ITIH5: variants seen among roughly 807,000 people sequenced by gnomAD.
The protein encoded by ITIH5 is inter-alpha-trypsin inhibitor heavy chain 5.
Under a neutral mutation model 77.5 loss-of-function variants are expected in ITIH5, and 65 were observed. The observed-to-expected ratio is 0.84, with a 90% CI of 0.69 to 1.03. ITIH5 has a LOEUF of 1.03. Among genes scored for constraint, ITIH5 ranks in the 50% least tolerant of loss-of-function variants. The pLI is 0.00. For missense variants in ITIH5, 1,208 were observed against 1,213.1 expected, an observed-to-expected ratio of 1.00 and a Z score of 0.06; for synonymous variants, 525 against 494.3, an observed-to-expected ratio of 1.06 and a Z score of -0.82.
At chr10:7,609,268 C>A (rs1325154652) in intron 7 of ITIH5, among the ~76,000 whole-genome samples, 1 of 152,150 alleles carries the variant, frequency 6.6e-6, no homozygotes, top group African/African-American at 2.4e-5. Context: ...AACTACTGTG[C>A]CTCAGAAAAA....
intron 5 of ITIH5, among the ~76,000 whole-genome samples, chr10:7,628,330 C>T (rs1588411687): frequency 1.3e-5 from 2 of 152,216 alleles, no homozygotes; most frequent in Admixed American, 6.5e-5. Flanking sequence ...TCTGTCTCTA[C>T]GGATTTGTGT....
chr10:7,659,063 T>A (rs1834233984), intron 1 of ITIH5, among the ~76,000 whole-genome samples: 1 of 151,588 alleles, frequency 6.6e-6, no homozygotes, highest in South Asian at 2.1e-4. Flanking sequence ...TTCCTAGGAG[T>A]ATATCGGTTT....
intron 1 of ITIH5, among the ~76,000 whole-genome samples, chr10:7,656,206 C>A (rs1163338750): frequency 6.6e-6 from 1 of 152,076 alleles, no homozygotes; most frequent in Non-Finnish European, 1.5e-5. Flanking sequence ...GGGAGGGATG[C>A]GGGAAAGTGA....
chr10:7,566,820 G>A (rs770288029), intron 12 of ITIH5, among the ~76,000 whole-genome samples: 2 of 52,566 alleles, frequency 3.8e-5, no homozygotes, highest in Admixed American at 2.7e-4. Flanking sequence ...AAGAGGAAGA[G>A]GAAGAGGAAG....
At chr10:7,594,138 G>A (rs1300607566) in intron 7 of ITIH5, among the ~76,000 whole-genome samples, 1 of 152,212 alleles carries the variant, frequency 6.6e-6, no homozygotes. Flanking sequence ...GCCCAGAGAG[G>A]CAGAAGTTGT....
chr10:7,561,434 T>C lies in ITIH5; in HGVS notation c.*1649A>G, dbSNP rs1170684206. The C allele has an allele frequency of 6.6e-6, 1 of 152,296 alleles. No individual in the cohort carries two copies. Among genetic ancestry groups the C allele is most frequent in the Non-Finnish European group, 1.5e-5 (1 of 68,080 alleles). 9.4% of individuals were successfully genotyped at this position (152,296 alleles called of 1,614,324 possible). On this transcript the variant is annotated 3_prime_UTR_variant, in exon 14 of 14. Coordinates refer to ENST00000397146, the MANE Select transcript of ITIH5 (RefSeq NM_030569.7). ...ACCTCTAGCTGCCGCTCCCTTTCTC[T>C]GAGCTCTACAGTCTGAAAGCATCTG... is the stretch of plus-strand genomic sequence containing the variant.
At position 7,617,106 on chromosome 10, in the gene ITIH5, C is replaced by A; in HGVS notation, c.822+7G>T. The A allele has an allele frequency of 6.6e-7, 1 of 1,523,638 alleles. No individual in the cohort carries two copies. The highest frequency in any genetic ancestry group is 8.8e-7 in the Non-Finnish European group (1 of 1,140,312). 94.4% of individuals were successfully genotyped at this position (1,523,638 alleles called of 1,614,324 possible). A position where few individuals can be genotyped will look rare whatever the true frequency, so the allele number is the denominator to read the frequency against. Reference sequence around the variant, plus strand: ...CCAACATGAAATAGCAACGACGATCCTATTACCTGGATGTCCCCAATGCTC... The same window carrying A: ...CCAACATGAAATAGCAACGACGATCATATTACCTGGATGTCCCCAATGCTC... On this transcript the variant is annotated splice_region_variant and intron_variant, in intron 6 of 13. Coordinates refer to ENST00000397146, the MANE Select transcript of ITIH5 (RefSeq NM_030569.7).
chr10:7,586,933 C>T (rs568890685), intron 7 of ITIH5, among the ~76,000 whole-genome samples: 2 of 152,146 alleles, frequency 1.3e-5, no homozygotes, highest in East Asian at 1.9e-4. Flanking sequence ...CAGGTTCAAG[C>T]GATTCTCCTG....
At chr10:7,581,657 TGTTACACTACAG>T (rs1314528541) in intron 8 of ITIH5, among the ~76,000 whole-genome samples, 7 of 152,004 alleles carry the variant, frequency 4.6e-5, no homozygotes, top group Non-Finnish European at 1.0e-4. Flanking sequence ...TCTGCATGTA[TGTTACACTACAG>T]GTTACTGCTT....
At chr10:7,661,219 C>G (rs1204204205) in intron 1 of ITIH5, among the ~76,000 whole-genome samples, 2 of 152,166 alleles carry the variant, frequency 1.3e-5, no homozygotes, top group Non-Finnish European at 2.9e-5. Flanking sequence ...GTCCCTGGTG[C>G]TAGAAAGGTT....
At chr10:7,577,406 T>C (rs1397285865) in intron 9 of ITIH5, among the ~76,000 whole-genome samples, 1 of 152,246 alleles carries the variant, frequency 6.6e-6, no homozygotes, top group Non-Finnish European at 1.5e-5. Context: ...GTGCATTCCT[T>C]TAAGCCCAGT....
chr10:7,633,954 T>A (rs988549306), intron 5 of ITIH5, among the ~76,000 whole-genome samples: 1 of 150,610 alleles, frequency 6.6e-6, no homozygotes. Flanking sequence ...CCAGGCGTGG[T>A]GGTGGGCGCC....
At chr10:7,567,319 T>TTTATTTTTA (rs1554746956) in intron 12 of ITIH5, among the ~76,000 whole-genome samples, 1 of 139,498 alleles carries the variant, frequency 7.2e-6, no homozygotes, top group South Asian at 2.4e-4. Flanking sequence ...TCGGACATCT[T>TTTATTTTTA]TTATTATTAT....
rs551382185 is a variant in ITIH5 at position 7,660,997 on chromosome 10, C to T, written c.91-5322G>A. Among the ~76,000 whole-genome samples the T allele has an allele frequency of 1.4e-3, 216 of 152,330 alleles. 1 individual carries two copies. Among genetic ancestry groups the T allele is most frequent in the Middle Eastern group, 0.014 (4 of 294 alleles). ...ACAGCAGGTGAGCAGTGGGCGAGCC[C>T]GCATTACCGGCTGAGCTCTGCCTCC... is the stretch of plus-strand genomic sequence containing the variant. On this transcript the variant is annotated intron_variant, in intron 1 of 13. Transcript: ENST00000397146.
At chr10:7,570,708 A>G (rs1305793050) in intron 11 of ITIH5, among the ~76,000 whole-genome samples, 2 of 152,090 alleles carry the variant, frequency 1.3e-5, no homozygotes, top group Non-Finnish European at 2.9e-5. Flanking sequence ...CTGCAGCCTC[A>G]AACTCCTGGG....
chr10:7,647,259 T>C (rs1298465884), intron 2 of ITIH5, among the ~76,000 whole-genome samples: 2 of 152,242 alleles, frequency 1.3e-5, no homozygotes, highest in African/African-American at 2.4e-5. Context: ...TAAAGTTTTA[T>C]TGAAACACAG....
chr10:7,657,793 T>C (rs979517346), intron 1 of ITIH5, among the ~76,000 whole-genome samples: 1 of 152,328 alleles, frequency 6.6e-6, no homozygotes. Context: ...ATTAGTCCCT[T>C]CTGAGCCAAG....
intron 8 of ITIH5, among the ~76,000 whole-genome samples, chr10:7,581,718 C>CT (rs1564242949): frequency 7.0e-5 from 8 of 113,832 alleles, no homozygotes; most frequent in Non-Finnish European, 1.0e-4. Flanking sequence ...TTTTCTTTTC[C>CT]TTCTTTTTTT....
At chr10:7,610,360 G>A (rs1262182200) in intron 7 of ITIH5, among the ~76,000 whole-genome samples, 1 of 152,112 alleles carries the variant, frequency 6.6e-6, no homozygotes, top group South Asian at 2.1e-4. Context: ...GGCTCCCCAG[G>A]TGCCAATATA....
Sources: allele counts gnomAD v4.1 joint callset (sites outside exome capture counted in the v4.1 genomes callset), GRCh38; gene constraint gnomAD v4.1.1; transcripts MANE v1.5; gene names NCBI Gene and HGNC (gene_info 2026-07-23, HGNC 2026-07-21).